RAB8B: variants seen among roughly 807,000 people sequenced by gnomAD.
RAB8B encodes ras-related protein Rab-8B.
Under a neutral mutation model 32.0 loss-of-function variants are expected in RAB8B, and 11 were observed. That is an observed-to-expected ratio of 0.34 (90% CI 0.22 to 0.57). The LOEUF (loss-of-function observed/expected upper bound fraction) is 0.57. Among genes scored for constraint, RAB8B ranks in the 20% least tolerant of loss-of-function variants. The pLI, the probability that RAB8B is intolerant of heterozygous loss-of-function variation, is 0.86. For missense variants in RAB8B, 190 were observed against 258.5 expected (o/e 0.73, Z 1.82); for synonymous variants, 103 against 89.6 (o/e 1.15, Z -0.85).
chr15:63,225,798 T>C (rs2037884075), intron 1 of RAB8B, among the ~76,000 whole-genome samples: 1 of 152,192 alleles, frequency 6.6e-6, no homozygotes, highest in Admixed American at 6.5e-5. Flanking sequence ...TTTTCTTGTT[T>C]AGCTCATTGG....
In RAB8B at chr15:63,266,298, G is replaced by A. The variant is rs1248999412; in HGVS notation, c.*2679G>A. ...ATAGAGTCTGAGGGTATCAGACAGT[G>A]AAAATGTGCTGTAACTAAGTAGCAT... is the stretch of plus-strand genomic sequence containing the variant. On this transcript the variant is annotated 3_prime_UTR_variant, in exon 8 of 8. Transcript: ENST00000321437. The A allele has an allele frequency of 6.6e-6, 1 of 152,566 alleles. No homozygotes were observed. The highest frequency in any genetic ancestry group is 1.9e-4 in the East Asian group (1 of 5,206). 9.5% of individuals were successfully genotyped at this position (152,566 alleles called of 1,614,324 possible).
At chr15:63,261,692 T>G (rs899469959) in intron 6 of RAB8B, among the ~76,000 whole-genome samples, 4 of 152,202 alleles carry the variant, frequency 2.6e-5, no homozygotes, top group Admixed American at 6.5e-5. Flanking sequence ...ACACTGACAA[T>G]GAGTAATAAT....
intron 1 of RAB8B, among the ~76,000 whole-genome samples, chr15:63,233,247 A>G (rs2037950998): frequency 6.7e-6 from 1 of 148,826 alleles, no homozygotes; most frequent in African/African-American, 2.5e-5. Flanking sequence ...TTTTTTTTTT[A>G]GAGGTGGGGT....
chr15:63,241,373 A>C (rs1286711829), intron 1 of RAB8B, among the ~76,000 whole-genome samples: 1 of 152,250 alleles, frequency 6.6e-6, no homozygotes, highest in Non-Finnish European at 1.5e-5. Context: ...ATGAATTATT[A>C]AGTGGTAAAA....
chr15:63,262,123 A>G (rs1185399969), intron 6 of RAB8B, among the ~76,000 whole-genome samples: 2 of 152,188 alleles, frequency 1.3e-5, no homozygotes, highest in African/African-American at 4.8e-5. Context: ...TTTTAGAGCT[A>G]TAGGGTAATA....
At chr15:63,232,669 A>C (rs1215100316) in intron 1 of RAB8B, among the ~76,000 whole-genome samples, 3 of 152,190 alleles carry the variant, frequency 2.0e-5, no homozygotes, top group African/African-American at 7.2e-5. Flanking sequence ...ACGTCAGAAA[A>C]TTCTAGTCCA....
intron 1 of RAB8B, among the ~76,000 whole-genome samples, chr15:63,234,414 A>G (rs926138873): frequency 2.0e-5 from 3 of 152,222 alleles, no homozygotes; most frequent in Non-Finnish European, 2.9e-5. Context: ...AGTCTTGTCA[A>G]TCTGTCCCTT....
intron 1 of RAB8B, among the ~76,000 whole-genome samples, chr15:63,232,793 G>A (rs1167891741): frequency 2.0e-5 from 3 of 152,002 alleles, no homozygotes; most frequent in Non-Finnish European, 2.9e-5. Flanking sequence ...TAAAATAAAC[G>A]TATTTGGCTG....
At chr15:63,197,528 C>T (rs886960637) in intron 1 of RAB8B, among the ~76,000 whole-genome samples, 1 of 151,784 alleles carries the variant, frequency 6.6e-6, no homozygotes, top group Non-Finnish European at 1.5e-5. Flanking sequence ...TGCACACTAC[C>T]ATACCTGGTT....
In RAB8B at chr15:63,256,457, C is replaced by T. The variant is rs201851062; in HGVS notation, c.325-48C>T. 1.8e-4 allele frequency: 243 copies of T among 1,360,840 alleles called. 1 individual carries two copies. Among genetic ancestry groups the T allele is most frequent in the Admixed American group, 5.5e-4 (25 of 45,392 alleles). 84.3% of individuals were successfully genotyped at this position (1,360,840 alleles called of 1,614,324 possible). On this transcript the variant is annotated intron_variant, in intron 4 of 7. Coordinates refer to ENST00000321437, the MANE Select transcript of RAB8B (RefSeq NM_016530.3). ...CAGGTTGGATTTGTCTATTAAGTAACGGGTTTTTCTCAGGCTGTTTTTATA... is the reference window on the plus strand; with the variant it reads ...CAGGTTGGATTTGTCTATTAAGTAATGGGTTTTTCTCAGGCTGTTTTTATA...
At chr15:63,214,052 G>C (rs1339293860) in intron 1 of RAB8B, among the ~76,000 whole-genome samples, 1 of 151,780 alleles carries the variant, frequency 6.6e-6, no homozygotes, top group Non-Finnish European at 1.5e-5. Flanking sequence ...CTGCACTCCA[G>C]CCTGGGTGAC....
At chr15:63,218,431 C>T (rs1326272445) in intron 1 of RAB8B, among the ~76,000 whole-genome samples, 4 of 152,154 alleles carry the variant, frequency 2.6e-5, no homozygotes, top group African/African-American at 9.7e-5. Flanking sequence ...GCAGGGATCT[C>T]AGGAGAGTAT....
chr15:63,262,809 T>C (rs905457247), intron 7 of RAB8B, 67 bp downstream of exon 7: 4 of 745,576 alleles, frequency 5.4e-6, no homozygotes, highest in Non-Finnish European at 7.8e-6. Context: ...AAAGGATAGG[T>C]CTAATTATAA....
rs148648590 is a variant in RAB8B at position 63,208,441 on chromosome 15, G to A, written c.124+18693G>A. On this transcript the variant is annotated intron_variant, in intron 1 of 7. Transcript: ENST00000321437. ...CACTGTCATTTGTGAAAGAAAAAAC[G>A]ATTGTAATAGAATTCTTGCTATTTT... Among the ~76,000 whole-genome samples the A allele has an allele frequency of 5.6e-3, 851 of 152,228 alleles. 7 individuals carry two copies. The highest frequency in any genetic ancestry group is 0.018 in the African/African-American group (759 of 41,512).
intron 1 of RAB8B, among the ~76,000 whole-genome samples, chr15:63,214,085 G>A (rs1321492402): frequency 6.8e-6 from 1 of 147,740 alleles, no homozygotes; most frequent in East Asian, 2.0e-4. Context: ...TGTCTCAGGG[G>A]AAAAAAAAAA....
chr15:63,195,164 C>T (rs1303295679), intron 1 of RAB8B, among the ~76,000 whole-genome samples: 1 of 151,906 alleles, frequency 6.6e-6, no homozygotes, highest in African/African-American at 2.4e-5. Flanking sequence ...ACATTTTGTA[C>T]ATAAAGCCTT....
At chr15:63,236,227 G>A (rs575522447) in intron 1 of RAB8B, among the ~76,000 whole-genome samples, 1 of 152,192 alleles carries the variant, frequency 6.6e-6, no homozygotes, top group Non-Finnish European at 1.5e-5. Context: ...GTCAATTCAG[G>A]AAAGCAAAAT....
At chr15:63,204,708 G>A (rs544321012) in intron 1 of RAB8B, among the ~76,000 whole-genome samples, 2 of 152,318 alleles carry the variant, frequency 1.3e-5, no homozygotes, top group South Asian at 4.1e-4. Context: ...TCAAGATGCT[G>A]CTTCCATCTC....
At chr15:63,241,683 G>T (rs901386018) in intron 1 of RAB8B, among the ~76,000 whole-genome samples, 3 of 152,026 alleles carry the variant, frequency 2.0e-5, no homozygotes, top group African/African-American at 7.2e-5. Flanking sequence ...GGAAAGTCAT[G>T]AATTTTTTTA....
Sources: allele counts gnomAD v4.1 joint callset (sites outside exome capture counted in the v4.1 genomes callset), GRCh38; gene constraint gnomAD v4.1.1; transcripts MANE v1.5; gene names NCBI Gene and HGNC (gene_info 2026-07-23, HGNC 2026-07-21).